Variants in ZNF215 observed in about 807,000 individuals in gnomAD.
ZNF215 encodes zinc finger protein 215.
Under a neutral mutation model 27.2 loss-of-function variants are expected in ZNF215, and 24 were observed. That is an observed-to-expected ratio of 0.88 (90% CI 0.64 to 1.24). The LOEUF is 1.24. Ranked by LOEUF, ZNF215 falls within the 50% of genes most tolerant of loss-of-function variation. The probability of loss-of-function intolerance (pLI) is 0.00; values close to 1 mark genes in which losing one functional copy is unlikely to be tolerated. For synonymous variants in ZNF215, 210 were observed against 204.0 expected (o/e 1.03, Z -0.25); for missense variants, 675 against 605.7 (o/e 1.11, Z -1.20).
chr11:6,968,426 A>G (rs1850665868), intron 5 of ZNF215, among the ~76,000 whole-genome samples: 1 of 150,476 alleles, frequency 6.6e-6, no homozygotes, highest in Non-Finnish European at 1.5e-5. Flanking sequence ...AACTTGGAAT[A>G]TTTTTCCATT....
At chr11:6,936,186 A>T (rs1171257966) in intron 3 of ZNF215, among the ~76,000 whole-genome samples, 1 of 152,090 alleles carries the variant, frequency 6.6e-6, no homozygotes, top group Admixed American at 6.5e-5. Context: ...GCCCACAAAA[A>T]TAATAGAACC....
chr11:6,932,410 A>G lies in ZNF215; in HGVS notation c.138A>G (p.Ala46=), dbSNP rs1332107782. Residue 46 remains alanine (A), a synonymous_variant, in exon 3 of 7, where the codon GCA becomes GCG. Coordinates refer to ENST00000278319, the MANE Select transcript of ZNF215 (RefSeq NM_013250.4). The part of the protein sequence containing the change: ...NPVVETHDSE[A]SRQKFRHFQY... ...TCGTGGAGACACATGACTCTGAGGC[A>G]TCTCGTCAAAAGTTCAGACATTTCC... 2 of 1,614,208 alleles carry G rather than the reference A, an allele frequency of 1.2e-6. No homozygotes were observed. Among genetic ancestry groups the G allele is most frequent in the African/African-American group, 1.3e-5 (1 of 75,056 alleles).
At chr11:6,972,026 C>T (rs1850728777) in intron 5 of ZNF215, among the ~76,000 whole-genome samples, 1 of 151,974 alleles carries the variant, frequency 6.6e-6, no homozygotes, top group African/African-American at 2.4e-5. Flanking sequence ...TTTTTTTTCC[C>T]TGTACTACTC....
Position 6,935,266 on chromosome 11 carries a change from T to C in ZNF215, c.400+2594T>C, listed in dbSNP as rs7106032. Among the ~76,000 whole-genome samples the C allele has an allele frequency of 6.2e-3, 940 of 152,350 alleles. 7 individuals are homozygous for C. Among genetic ancestry groups the C allele is most frequent in the African/African-American group, 0.02 (824 of 41,578 alleles). On this transcript the variant is annotated intron_variant, in intron 3 of 6. Transcript: ENST00000278319. ...AGACCTGAGAAAGCCCTAACTCTTA[T>C]CTCTAGCTGACCTTCAAGTGCTACA...
intron 3 of ZNF215, among the ~76,000 whole-genome samples, chr11:6,933,437 A>G (rs965273985): frequency 2.6e-5 from 4 of 152,228 alleles, no homozygotes; most frequent in African/African-American, 9.6e-5. Context: ...TTGGAAGCTT[A>G]TATGTATGAA....
rs755610347 is a variant in ZNF215, at chr11:6,955,801, G to T, written c.824G>T (p.Arg275Met). The T allele has an allele frequency of 1.1e-5, 17 of 1,613,734 alleles. No homozygotes were observed. The highest frequency in any genetic ancestry group is 1.4e-5 in the Non-Finnish European group (17 of 1,179,926). Residue 275 changes from arginine (R) to methionine (M), a missense_variant, in exon 7 of 7, where the codon AGG becomes ATG. By Grantham distance (91) the Arg-to-Met change is moderately conservative (BLOSUM62 -1). Transcript: ENST00000278319. ...TGGAAAGGTGAGAATTGGTTATATAGGAACCAGAAAAAATGGGACATAAAT... is the reference window on the plus strand; with the variant it reads ...TGGAAAGGTGAGAATTGGTTATATATGAACCAGAAAAAATGGGACATAAAT... Reference protein sequence around the residue: ...DAWKGENWLYRNQKKWDINLP... With the variant: ...DAWKGENWLYMNQKKWDINLP...
At chr11:6,987,971 C>A (rs535375378), downstream of ZNF215, among the ~76,000 whole-genome samples, 10 of 152,302 alleles carry the variant, frequency 6.6e-5, no homozygotes, top group South Asian at 2.1e-3. Flanking sequence ...GCTTGCCTTA[C>A]AGCTCCAGAT....
downstream of ZNF215, among the ~76,000 whole-genome samples, chr11:6,989,840 C>A (rs912407046): frequency 6.6e-6 from 1 of 152,164 alleles, no homozygotes; most frequent in African/African-American, 2.4e-5. Flanking sequence ...ACCCTCAGGT[C>A]ATGTAACCTG....
In ZNF215 at chr11:6,926,468, T is replaced by G. The variant is rs1039914176; in HGVS notation, c.-543T>G. ...GCAAAGGCCTGGTCTACCTCACCGA[T>G]CCGGGTCGCGGGGGCTCCTAGGGGG... is the stretch of plus-strand genomic sequence containing the variant. On this transcript the variant is annotated 5_prime_UTR_variant, in exon 1 of 7. Coordinates refer to ENST00000278319, the MANE Select transcript of ZNF215 (RefSeq NM_013250.4). 4 of 152,354 alleles carry G rather than the reference T, an allele frequency of 2.6e-5. No homozygotes were observed. Among genetic ancestry groups the G allele is most frequent in the African/African-American group, 9.6e-5 (4 of 41,468 alleles). 9.4% of individuals were successfully genotyped at this position (152,354 alleles called of 1,614,324 possible).
chr11:6,978,042 C>CT (rs1452202942), intron 5 of ZNF215, among the ~76,000 whole-genome samples: 5 of 152,004 alleles, frequency 3.3e-5, no homozygotes, highest in African/African-American at 7.2e-5. Flanking sequence ...TGTAATGCCT[C>CT]TTTTTTCTAA....
downstream of ZNF215, among the ~76,000 whole-genome samples, chr11:6,993,395 T>A (rs780990136): frequency 6.6e-6 from 1 of 152,214 alleles, no homozygotes; most frequent in Admixed American, 6.5e-5. Context: ...CACTTTGAGC[T>A]GATTCTTTTT....
Position 6,953,184 on chromosome 11 carries a change from A to C in ZNF215, c.713-2506A>C, listed in dbSNP as rs369017353. ...CCCTTAACATTTTTTCCTTCATTTC[A>C]ACTTTGGTGAATCTGACAATTGTAT... is the stretch of plus-strand genomic sequence containing the variant. On this transcript the variant is annotated intron_variant, in intron 6 of 6. Coordinates refer to ENST00000278319, the MANE Select transcript of ZNF215 (RefSeq NM_013250.4). 7.2e-5 allele frequency among the ~76,000 whole-genome samples: 11 copies of C among 152,070 alleles called. No homozygotes were observed. The East Asian group carries it at 1.7e-3, about 24-fold the overall frequency.
chr11:6,943,488 T>C, intron 5 of ZNF215, 58 bp from the exon 6 acceptor site: 1 of 1,458,594 alleles, frequency 6.9e-7, no homozygotes, highest in Non-Finnish European at 9.6e-7. Context: ...TCTATAAAAA[T>C]GTCTGAAGTG....
At chr11:6,960,288 T>C (rs536461955), downstream of ZNF215, among the ~76,000 whole-genome samples, 33 of 152,204 alleles carry the variant, frequency 2.2e-4, no homozygotes, top group Middle Eastern at 6.8e-3. Flanking sequence ...AAAGTCAAGT[T>C]ACAGGAGGGA....
intron 6 of ZNF215, among the ~76,000 whole-genome samples, chr11:6,948,574 A>G (rs1849915114): frequency 6.6e-6 from 1 of 152,148 alleles, no homozygotes; most frequent in Non-Finnish European, 1.5e-5. Flanking sequence ...TCATTTGTTA[A>G]GCTAGAGGAC....
intron 5 of ZNF215, 26 bp downstream of exon 5, chr11:6,943,241 T>C: frequency 6.3e-7 from 1 of 1,594,664 alleles, no homozygotes; most frequent in Non-Finnish European, 8.5e-7. Context: ...TTACCTAATC[T>C]GTCCATTTAG....
Position 6,951,732 on chromosome 11 carries a change from C to T in ZNF215, c.713-3958C>T, listed in dbSNP as rs1249223037. On this transcript the variant is annotated intron_variant, in intron 6 of 6. Transcript: ENST00000278319. ...GAAGGGTTTTTTGTGTCTCTATTTC[C>T]TTCAGTTCTGCTCTGATTTTAGTTA... 5.3e-5 allele frequency among the ~76,000 whole-genome samples: 8 copies of T among 152,178 alleles called. No individual in the cohort carries two copies. In the South Asian group the frequency reaches 1.0e-3, roughly 20 times the overall value.
Position 6,955,768 on chromosome 11 carries a change from C to T in ZNF215, c.791C>T (p.Ser264Leu), listed in dbSNP as rs759612940. ...CTTACCGAAAGTGGACACCCTTCTT[C>T]AGATGCCTGGAAAGGTGAGAATTGG... Reference protein sequence around the residue: ...TRLTESGHPSSDAWKGENWLY... With the variant: ...TRLTESGHPSLDAWKGENWLY... Residue 264 changes from serine to leucine, a missense_variant, in exon 7 of 7, where the codon TCA (serine) becomes TTA (leucine). Coordinates refer to ENST00000278319, the MANE Select transcript of ZNF215 (RefSeq NM_013250.4). 9 of 1,611,420 alleles carry T rather than the reference C, an allele frequency of 5.6e-6. No individual in the cohort carries two copies. The highest frequency in any genetic ancestry group is 5.9e-6 in the Non-Finnish European group (7 of 1,179,368).
chr11:6,932,729 A>G (rs780786566), intron 3 of ZNF215, 57 bp downstream of exon 3: 235 of 1,504,210 alleles, frequency 1.6e-4, no homozygotes, highest in Non-Finnish European at 2.0e-4. Context: ...GTAAAGAGAA[A>G]TTATCTTTTT....
Sources: gnomAD v4.1 joint callset for allele counts (sites outside exome capture counted in the v4.1 genomes callset) on GRCh38, gnomAD v4.1.1 for gene constraint, MANE v1.5 for transcripts, NCBI Gene and HGNC (gene_info 2026-07-23, HGNC 2026-07-21) for gene names.